TP63: variants seen among roughly 807,000 people sequenced by gnomAD.
TP63 encodes the protein tumor protein p63.
In TP63, 17 loss-of-function variants were observed where a neutral mutation model predicts 82.8. That is an observed-to-expected ratio of 0.21 (90% CI 0.14 to 0.31). The LOEUF is 0.31. Ranked by LOEUF, TP63 falls within the 10% of genes least tolerant of loss-of-function variation. The probability of loss-of-function intolerance (pLI) is 1.00; values close to 1 mark genes in which losing one functional copy is unlikely to be tolerated. For synonymous variants in TP63, 330 were observed against 321.7 expected, an observed-to-expected ratio of 1.03 and a Z score of -0.28; for missense variants, 648 against 895.3, an observed-to-expected ratio of 0.72 and a Z score of 3.52.
intron 8 of TP63, among the ~76,000 whole-genome samples, chr3:189,868,974 A>G (rs776856831): frequency 2.0e-5 from 3 of 152,312 alleles, no homozygotes; most frequent in African/African-American, 7.2e-5. Context: ...CACCAGTAGC[A>G]TAAACATCAT....
rs557275061 is a variant in TP63 at position 189,633,953 on chromosome 3, A to G, written c.62+2376A>G. Among the ~76,000 whole-genome samples, 12 of 152,224 alleles carry G rather than the reference A, an allele frequency of 7.9e-5. No homozygotes were observed. In the East Asian group the frequency reaches 2.3e-3, roughly 29 times the overall value. ...TCCTCAAGTATTTTAACTGTTTGTC[A>G]TGTGTTTTAAGGACTGAATTATTAC... On this transcript the variant is annotated intron_variant, in intron 1 of 13. Coordinates refer to ENST00000264731, the MANE Select transcript of TP63 (RefSeq NM_003722.5).
At chr3:189,713,230 A>G (rs898438351) in intron 1 of TP63, among the ~76,000 whole-genome samples, 1 of 152,182 alleles carries the variant, frequency 6.6e-6, no homozygotes, top group African/African-American at 2.4e-5. Flanking sequence ...CACTTAACAC[A>G]CTGCCTGGCA....
chr3:189,601,884 G>A, the TP63 span, among the ~76,000 whole-genome samples: 1 of 152,126 alleles, frequency 6.6e-6, no homozygotes. Context: ...ACTGAAGATG[G>A]GATTGGAAAG....
chr3:189,813,485 T>A (rs906827748), intron 4 of TP63, among the ~76,000 whole-genome samples: 5 of 152,134 alleles, frequency 3.3e-5, no homozygotes, highest in African/African-American at 9.7e-5. Flanking sequence ...CATAGTTCAG[T>A]CTGTCTTGAT....
At chr3:189,791,597 G>A (rs1456853856) in intron 3 of TP63, among the ~76,000 whole-genome samples, 1 of 152,042 alleles carries the variant, frequency 6.6e-6, no homozygotes, top group African/African-American at 2.4e-5. Flanking sequence ...ATGCTGCTAA[G>A]GTCGACAAAA....
chr3:189,812,199 T>C (rs973081966), intron 4 of TP63, among the ~76,000 whole-genome samples: 1 of 152,228 alleles, frequency 6.6e-6, no homozygotes, highest in Non-Finnish European at 1.5e-5. Flanking sequence ...TGTCAAAATA[T>C]AGCTAATATA....
intron 4 of TP63, among the ~76,000 whole-genome samples, chr3:189,847,518 C>A (rs1037174803): frequency 1.3e-5 from 2 of 152,194 alleles, no homozygotes; most frequent in African/African-American, 4.8e-5. Flanking sequence ...TTTATGACTT[C>A]TTTGAAGAGG....
At chr3:189,785,874 G>A (rs1724563008) in intron 3 of TP63, among the ~76,000 whole-genome samples, 2 of 151,994 alleles carry the variant, frequency 1.3e-5, no homozygotes, top group African/African-American at 2.4e-5. Context: ...ATTGCTGTAT[G>A]TTCCTTTTTT....
At chr3:189,820,843 T>C (rs1350570513) in intron 4 of TP63, among the ~76,000 whole-genome samples, 2 of 152,356 alleles carry the variant, frequency 1.3e-5, no homozygotes, top group Admixed American at 1.3e-4. Context: ...TATTTTTGCT[T>C]CCAAATATAA....
intron 10 of TP63, chr3:189,881,011 T>C: frequency 5.1e-6 from 5 of 985,404 alleles, no homozygotes; most frequent in Non-Finnish European, 6.0e-6. Context: ...ACCCCAGTAA[T>C]ATTGCCCTTA....
intron 1 of TP63, among the ~76,000 whole-genome samples, chr3:189,652,923 T>C (rs1326091195): frequency 6.8e-6 from 1 of 146,950 alleles, no homozygotes. Context: ...GTAAGTTTCC[T>C]GAGGACTCCC....
chr3:189,793,479 G>T (rs982986498), intron 3 of TP63, among the ~76,000 whole-genome samples: 1 of 152,010 alleles, frequency 6.6e-6, no homozygotes, highest in African/African-American at 2.4e-5. Context: ...TAGATTCTGC[G>T]TTCTGCTATA....
At chr3:189,823,513 G>T (rs541545634) in intron 4 of TP63, among the ~76,000 whole-genome samples, 50 of 152,260 alleles carry the variant, frequency 3.3e-4, no homozygotes, top group Middle Eastern at 3.4e-3. Flanking sequence ...CACTCACCAG[G>T]GGAAGGACAG....
chr3:189,719,134 C>G (rs1028007063), intron 1 of TP63, among the ~76,000 whole-genome samples: 2 of 151,902 alleles, frequency 1.3e-5, no homozygotes, highest in African/African-American at 4.8e-5. Context: ...AAGCCATAGA[C>G]GCACGAAGGA....
At chr3:189,601,106 A>C in the TP63 span, among the ~76,000 whole-genome samples, 1 of 152,146 alleles carries the variant, frequency 6.6e-6, no homozygotes, top group Admixed American at 6.5e-5. Flanking sequence ...TTAATCCCAT[A>C]GTTGATGTTT....
intron 1 of TP63, among the ~76,000 whole-genome samples, chr3:189,695,702 CTTGT>C (rs1683680772): frequency 6.6e-6 from 1 of 152,142 alleles, no homozygotes; most frequent in Admixed American, 6.5e-5. Flanking sequence ...GCCTTTTTGC[CTTGT>C]TTTTCTGTAT....
the TP63 span, among the ~76,000 whole-genome samples, chr3:189,621,910 T>C: frequency 6.6e-6 from 1 of 152,178 alleles, no homozygotes; most frequent in Admixed American, 6.5e-5. Flanking sequence ...TGAAGGTTAG[T>C]TGTGTTTTCA....
At chr3:189,793,492 G>A (rs1725373817) in intron 3 of TP63, among the ~76,000 whole-genome samples, 1 of 152,046 alleles carries the variant, frequency 6.6e-6, no homozygotes, top group African/African-American at 2.4e-5. Context: ...CTGCTATAAA[G>A]GGAGTATATA....
chr3:189,802,544 C>T lies in TP63; in HGVS notation c.325-5728C>T, dbSNP rs549840638. Among the ~76,000 whole-genome samples the T allele has an allele frequency of 8.5e-5, 13 of 152,306 alleles. No individual in the cohort carries two copies. In the South Asian group the frequency reaches 2.5e-3, roughly 29 times the overall value. Reference sequence around the variant, plus strand: ...CTCATTGAATCCTCAAATTCAGTCTCCTCAATTTTACACAGACTTTGGATT... The same window carrying T: ...CTCATTGAATCCTCAAATTCAGTCTTCTCAATTTTACACAGACTTTGGATT... On this transcript the variant is annotated intron_variant, in intron 3 of 13. Coordinates refer to ENST00000264731, the MANE Select transcript of TP63 (RefSeq NM_003722.5).
Sources: gnomAD v4.1 joint callset for allele counts (sites outside exome capture counted in the v4.1 genomes callset) on GRCh38, gnomAD v4.1.1 for gene constraint, MANE v1.5 for transcripts, NCBI Gene and HGNC (gene_info 2026-07-23, HGNC 2026-07-21) for gene names.